Variants in TADA2B observed in about 807,000 individuals in gnomAD.
The protein encoded by TADA2B is transcriptional adaptor 2B, also known as transcriptional adapter 2-beta.
In TADA2B, 13 loss-of-function variants were observed where a neutral mutation model predicts 34.5. The ratio of observed to expected loss-of-function variants is 0.38; its 90% CI spans 0.25 to 0.60. The LOEUF is 0.60. Among genes scored for constraint, TADA2B ranks in the 20% least tolerant of loss-of-function variants. TADA2B has a pLI of 0.65. For missense variants in TADA2B, 442 were observed against 575.0 expected (o/e 0.77, Z 2.37); for synonymous variants, 240 against 243.4 (o/e 0.99, Z 0.13).
At chr4:7,049,733 G>T (rs1226692287) in intron 1 of TADA2B, among the ~76,000 whole-genome samples, 1 of 152,246 alleles carries the variant, frequency 6.6e-6, no homozygotes, top group African/African-American at 2.4e-5. Context: ...GGGTGACCCG[G>T]TGTCCTCAAG....
At position 7,055,088 on chromosome 4, in the gene TADA2B, A is replaced by G. The variant is rs761284098; in HGVS notation, c.*34A>G. The stretch of plus-strand genomic sequence containing the variant: ...CGCTTTGAAAGCCAGGGTGATGCTC[A>G]GACAGTGTGCCAGCCAAAATGACTT... On this transcript the variant is annotated 3_prime_UTR_variant, in exon 2 of 2. Transcript: ENST00000310074. 2.3e-5 allele frequency: 36 copies of G among 1,561,376 alleles called. No homozygotes were observed. The South Asian group carries it at 4.2e-4, about 18-fold the overall frequency.
intron 1 of TADA2B, among the ~76,000 whole-genome samples, chr4:7,048,737 C>T (rs1282883143): frequency 6.6e-6 from 1 of 152,132 alleles, no homozygotes; most frequent in East Asian, 1.9e-4. Context: ...AACACTCACT[C>T]CCCCTCCCCC....
In TADA2B at chr4:7,054,440, C is replaced by T. The variant is rs768313668; in HGVS notation, c.649C>T (p.Gln217Ter). 1 of 1,613,690 alleles carries T rather than the reference C, an allele frequency of 6.2e-7. No individual in the cohort carries two copies. The highest frequency in any genetic ancestry group is 8.5e-7 in the Non-Finnish European group (1 of 1,179,898). The change falls in exon 2 of 2, where the codon CAG becomes TAG. Residue 217 changes from glutamine (Q) to a stop codon, truncating the protein, a stop_gained. Coordinates refer to ENST00000310074, the MANE Select transcript of TADA2B (RefSeq NM_152293.3). LOFTEE classifies it high-confidence loss of function. ...GTACGTGCGGAAGCTGAAAGAGAGA[C>T]AGCGGCGGAAGAACATCGCCCGTGA... is the stretch of plus-strand genomic sequence containing the variant. ...DMYVRKLKER[Q>*]RRKNIARDYN...
At position 7,054,754 on chromosome 4, in the gene TADA2B, C is replaced by T. The variant is rs752190983; in HGVS notation, c.963C>T (p.Asn321=). 6.2e-7 allele frequency: 1 copy of T among 1,613,924 alleles called. No individual in the cohort carries two copies. Among genetic ancestry groups the T allele is most frequent in the Non-Finnish European group, 8.5e-7 (1 of 1,179,904 alleles). The stretch of plus-strand genomic sequence containing the variant: ...ATAAACGGGAGAAGAGGAAGGAGAA[C>T]AAAAACCTAGCCGGCTCCAAACGGG... The part of the protein sequence containing the change: ...ARHKREKRKE[N]KNLAGSKRGK... Residue 321 remains asparagine, a synonymous_variant, in exon 2 of 2, where the codon AAC becomes AAT. Coordinates refer to ENST00000310074, the MANE Select transcript of TADA2B (RefSeq NM_152293.3).
intron 1 of TADA2B, 90 bp from the exon 2 acceptor site, chr4:7,053,972 C>A (rs1723828679): frequency 7.0e-7 from 1 of 1,421,948 alleles, no homozygotes; most frequent in Non-Finnish European, 9.4e-7. Flanking sequence ...TACTCTAGGT[C>A]AGCCTTTGTA....
At chr4:7,044,477 C>G (rs928683337) in intron 1 of TADA2B, among the ~76,000 whole-genome samples, 1 of 152,202 alleles carries the variant, frequency 6.6e-6, no homozygotes, top group Non-Finnish European at 1.5e-5. Context: ...GTTTTGCTCT[C>G]TTTACCTTTG....
intron 1 of TADA2B, among the ~76,000 whole-genome samples, chr4:7,052,411 G>C (rs1311842691): frequency 6.6e-6 from 1 of 152,244 alleles, no homozygotes; most frequent in South Asian, 2.1e-4. Context: ...TGTTTCAGAG[G>C]CCATTGCGGT....
At chr4:7,046,323 C>T (rs1182079533) in intron 1 of TADA2B, 1 of 152,252 alleles carries the variant, frequency 6.6e-6, no homozygotes, top group Non-Finnish European at 1.5e-5. Flanking sequence ...GCTATGTGCA[C>T]AGAGCTGGCG....
Position 7,043,393 on chromosome 4 carries a change from G to A in TADA2B, c.-187G>A, listed in dbSNP as rs920760229. 1.2e-5 allele frequency: 2 copies of A among 162,370 alleles called. No homozygotes were observed. Among genetic ancestry groups the A allele is most frequent in the Non-Finnish European group, 2.5e-5 (2 of 80,336 alleles). The allele number at this position is 162,370 out of a possible 1,614,324, so 10.1% of individuals were successfully genotyped here. A position where few individuals can be genotyped will look rare whatever the true frequency, so the allele number is the denominator to read the frequency against. ...GGCCGGACGGCGCCTGCGTACTGAG[G>A]GGGGACGCGGCCCGGCTGGCTGGCT... On this transcript the variant is annotated 5_prime_UTR_variant, in exon 1 of 2. Transcript: ENST00000310074.
intron 1 of TADA2B, among the ~76,000 whole-genome samples, chr4:7,046,662 T>A (rs1196699905): frequency 6.6e-6 from 1 of 152,106 alleles, no homozygotes; most frequent in Non-Finnish European, 1.5e-5. Context: ...TGGAGATTAG[T>A]GTGGAGGCAG....
rs1218776783 is a variant in TADA2B at position 7,050,244 on chromosome 4, C to G, written c.271-3818C>G. 2.6e-5 allele frequency among the ~76,000 whole-genome samples: 4 copies of G among 152,264 alleles called. No individual in the cohort carries two copies. In the East Asian group the frequency reaches 7.7e-4, roughly 29 times the overall value. Reference sequence around the variant, plus strand: ...CTGCCCCTGGGGCCAGTGGTTCCCTCCTGTCCTTTAGGACATAGTCCAGTC... The same window carrying G: ...CTGCCCCTGGGGCCAGTGGTTCCCTGCTGTCCTTTAGGACATAGTCCAGTC... On this transcript the variant is annotated intron_variant, in intron 1 of 1. Coordinates refer to ENST00000310074, the MANE Select transcript of TADA2B (RefSeq NM_152293.3).
chr4:7,054,720 C>T lies in TADA2B; in HGVS notation c.929C>T (p.Ala310Val). 1 of 1,613,938 alleles carries T rather than the reference C, an allele frequency of 6.2e-7. No homozygotes were observed. The highest frequency in any genetic ancestry group is 8.5e-7 in the Non-Finnish European group (1 of 1,179,902). The change falls in exon 2 of 2, where the codon GCA becomes GTA. Residue 310 changes from alanine to valine, a missense_variant. Coordinates refer to ENST00000310074, the MANE Select transcript of TADA2B (RefSeq NM_152293.3). ...ATGGAAGAGTCGGCAGAGTACGAGG[C>T]AGCGCGGCATAAACGGGAGAAGAGG... ...TKMEESAEYE[A>V]ARHKREKRKE...
intron 1 of TADA2B, chr4:7,053,765 G>T (rs1445786583): frequency 4.6e-5 from 16 of 345,702 alleles, no homozygotes; most frequent in Non-Finnish European, 8.5e-5. Flanking sequence ...CTCAGCCAGG[G>T]GTTCTGGCCT....
intron 1 of TADA2B, among the ~76,000 whole-genome samples, chr4:7,047,507 G>C (rs956756553): frequency 6.6e-6 from 1 of 152,252 alleles, no homozygotes; most frequent in African/African-American, 2.4e-5. Context: ...CAGAAGGCCA[G>C]ACACATCGAT....
chr4:7,055,102 C>T lies in TADA2B; in HGVS notation c.*48C>T, dbSNP rs1194537229. 11 of 1,527,298 alleles carry T rather than the reference C, an allele frequency of 7.2e-6. No homozygotes were observed. Among genetic ancestry groups the T allele is most frequent in the Non-Finnish European group, 9.7e-6 (11 of 1,138,546 alleles). 94.6% of individuals were successfully genotyped at this position (1,527,298 alleles called of 1,614,324 possible). A position where few individuals can be genotyped will look rare whatever the true frequency, so the allele number is the denominator to read the frequency against. ...GGGTGATGCTCAGACAGTGTGCCAGCCAAAATGACTTGGGGGAGGGGAGCC... is the reference window on the plus strand; with the variant it reads ...GGGTGATGCTCAGACAGTGTGCCAGTCAAAATGACTTGGGGGAGGGGAGCC... On this transcript the variant is annotated 3_prime_UTR_variant, in exon 2 of 2. Coordinates refer to ENST00000310074, the MANE Select transcript of TADA2B (RefSeq NM_152293.3).
Position 7,054,741 on chromosome 4 carries a change from AGAG to A in TADA2B, c.953_955del (p.Arg318del), listed in dbSNP as rs773540665. 1.9e-6 allele frequency: 3 copies of A among 1,614,004 alleles called. No individual in the cohort carries two copies. Among genetic ancestry groups the A allele is most frequent in the South Asian group, 2.2e-5 (2 of 91,088 alleles). On this transcript the variant is annotated inframe_deletion, in exon 2 of 2. Transcript: ENST00000310074. Reference sequence around the variant, plus strand: ...GAGGCAGCGCGGCATAAACGGGAGAAGAGGAAGGAGAACAAAAACCTAGCCGGC... The same window carrying A: ...GAGGCAGCGCGGCATAAACGGGAGAAGAAGGAGAACAAAAACCTAGCCGGC...
intron 1 of TADA2B, among the ~76,000 whole-genome samples, chr4:7,051,732 G>A (rs912891298): frequency 6.6e-5 from 10 of 152,060 alleles, no homozygotes; most frequent in Admixed American, 1.3e-4. Flanking sequence ...CGAGTAGCTG[G>A]GACTACAGGC....
chr4:7,055,041 G>C lies in TADA2B; in HGVS notation c.1250G>C (p.Arg417Thr). 3 of 1,609,562 alleles carry C rather than the reference G, an allele frequency of 1.9e-6. No homozygotes were observed. The highest frequency in any genetic ancestry group is 2.5e-6 in the Non-Finnish European group (3 of 1,178,520). The change falls in exon 2 of 2, where the codon AGG (arginine) becomes ACG (threonine). Residue 417 changes from arginine to threonine, a missense_variant. By Grantham distance (71) the Arg-to-Thr change is moderately conservative (BLOSUM62 -1). Transcript: ENST00000310074. ...CTCACAGAAAGCGGCTGGATCTCCA[G>C]GGACGCGTCTTGAAGCTGAGACGCT... is the stretch of plus-strand genomic sequence containing the variant. ...NFLTESGWIS[R>T]DAS is the part of the protein sequence containing the mutation.
intron 1 of TADA2B, among the ~76,000 whole-genome samples, chr4:7,044,331 G>C (rs953597387): frequency 1.3e-5 from 2 of 152,256 alleles, no homozygotes; most frequent in African/African-American, 2.4e-5. Context: ...CATGTGCCCT[G>C]TGTGGTCCGC....
Sources: allele counts gnomAD v4.1 joint callset (sites outside exome capture counted in the v4.1 genomes callset), GRCh38; gene constraint gnomAD v4.1.1; transcripts MANE v1.5; gene names NCBI Gene and HGNC (gene_info 2026-07-23, HGNC 2026-07-21).